BBS9: variants seen among roughly 807,000 people sequenced by gnomAD.
BBS9 encodes the protein protein PTHB1.
In BBS9, 89 loss-of-function variants were observed where a neutral mutation model predicts 117.7. The ratio of observed to expected loss-of-function variants is 0.76; its 90% CI spans 0.64 to 0.90. The LOEUF is 0.90. Among genes scored for constraint, BBS9 ranks in the 40% least tolerant of loss-of-function variants. BBS9 has a pLI of 0.00. For synonymous variants in BBS9, 379 were observed against 370.9 expected, an observed-to-expected ratio of 1.02 and a Z score of -0.25; for missense variants, 982 against 1,042.2, an observed-to-expected ratio of 0.94 and a Z score of 0.80.
At chr7:33,177,013 A>T (rs757128441) in intron 4 of BBS9, among the ~76,000 whole-genome samples, 4 of 152,218 alleles carry the variant, frequency 2.6e-5, no homozygotes, top group Non-Finnish European at 4.4e-5. Context: ...CAATTAAATT[A>T]GAATATAATT....
In BBS9 at chr7:33,177,327, C is replaced by T. The variant is rs57972085; in HGVS notation, c.329-151C>T. ...TAACTGTACTGGCTTTGTGTGTCATCAGTATGCTAATTTTTCACAATACAT... is the reference window on the plus strand; with the variant it reads ...TAACTGTACTGGCTTTGTGTGTCATTAGTATGCTAATTTTTCACAATACAT... On this transcript the variant is annotated intron_variant, in intron 4 of 22. Coordinates refer to ENST00000242067, the MANE Select transcript of BBS9 (RefSeq NM_198428.3). 2,408 of 638,854 alleles carry T rather than the reference C, an allele frequency of 3.8e-3. 45 individuals are homozygous for T. In the African/African-American group the frequency reaches 0.039, roughly 10 times the overall value. The allele number at this position is 638,854 out of a possible 1,614,324, so 39.6% of individuals were successfully genotyped here. A position where few individuals can be genotyped will look rare whatever the true frequency, so the allele number is the denominator to read the frequency against.
At chr7:33,633,892 C>T (rs755347816) in intron 21 of BBS9, among the ~76,000 whole-genome samples, 19 of 152,184 alleles carry the variant, frequency 1.2e-4, no homozygotes, top group Non-Finnish European at 2.4e-4. Context: ...GCCCTCTTTG[C>T]TCTCTGCCAA....
chr7:33,474,700 C>T (rs1395263704), intron 19 of BBS9, among the ~76,000 whole-genome samples: 1 of 152,168 alleles, frequency 6.6e-6, no homozygotes, highest in Non-Finnish European at 1.5e-5. Context: ...GTAATCGCAG[C>T]ACTTTGGGAG....
intron 1 of BBS9, among the ~76,000 whole-genome samples, chr7:33,138,874 C>A (rs1392783958): frequency 1.3e-5 from 2 of 151,074 alleles, no homozygotes. Context: ...CAGACATGAA[C>A]CACTGTGCCT....
intron 5 of BBS9, among the ~76,000 whole-genome samples, chr7:33,255,209 A>C (rs1419041758): frequency 6.6e-6 from 1 of 152,116 alleles, no homozygotes; most frequent in East Asian, 1.9e-4. Context: ...GTCCTATCCA[A>C]AAAATCATTG....
intron 21 of BBS9, among the ~76,000 whole-genome samples, chr7:33,598,280 G>C (rs1863211677): frequency 6.6e-6 from 1 of 150,500 alleles, no homozygotes; most frequent in Non-Finnish European, 1.5e-5. Flanking sequence ...GTAATCATAA[G>C]AAGGACATCA....
chr7:33,613,408 A>G (rs1864975226), intron 21 of BBS9, among the ~76,000 whole-genome samples: 1 of 151,944 alleles, frequency 6.6e-6, no homozygotes, highest in South Asian at 2.1e-4. Flanking sequence ...GTCACTTCAA[A>G]GTTTGTATAT....
intron 5 of BBS9, among the ~76,000 whole-genome samples, chr7:33,223,885 C>G (rs1323726347): frequency 1.3e-5 from 2 of 152,114 alleles, no homozygotes; most frequent in Non-Finnish European, 2.9e-5. Context: ...GTAATAATTG[C>G]TAATTTGATT....
intron 19 of BBS9, among the ~76,000 whole-genome samples, chr7:33,480,995 G>A (rs1157226582): frequency 6.6e-6 from 1 of 152,064 alleles, no homozygotes; most frequent in Non-Finnish European, 1.5e-5. Flanking sequence ...GTTTCCTGAG[G>A]CCTCCCCAGC....
chr7:33,369,349 TC>T (rs1426529700), intron 17 of BBS9, among the ~76,000 whole-genome samples: 2 of 152,190 alleles, frequency 1.3e-5, no homozygotes, highest in Non-Finnish European at 2.9e-5. Context: ...TATATTTATA[TC>T]CTAATGTATT....
chr7:33,374,914 A>C (rs972611491), intron 17 of BBS9, among the ~76,000 whole-genome samples: 1 of 151,888 alleles, frequency 6.6e-6, no homozygotes, highest in Admixed American at 6.6e-5. Context: ...AAAAAAAAAA[A>C]AAAAAAAAAC....
chr7:33,334,411 C>T (rs1351609913), intron 9 of BBS9, among the ~76,000 whole-genome samples: 1 of 152,138 alleles, frequency 6.6e-6, no homozygotes, highest in Non-Finnish European at 1.5e-5. Flanking sequence ...CAGAGGTCTG[C>T]GCTTTAGCAC....
intron 5 of BBS9, among the ~76,000 whole-genome samples, chr7:33,240,118 A>G (rs757989515): frequency 1.3e-5 from 2 of 152,148 alleles, no homozygotes; most frequent in South Asian, 2.1e-4. Flanking sequence ...CTAAATTCCC[A>G]TAGTCATTAA....
intron 9 of BBS9, among the ~76,000 whole-genome samples, chr7:33,281,550 C>CT (rs1403130408): frequency 3.3e-5 from 5 of 150,796 alleles, no homozygotes; most frequent in East Asian, 3.9e-4. Context: ...ATTAAAAATT[C>CT]TTTTTTTTAT....
chr7:33,148,229 A>G (rs763298326), intron 2 of BBS9, among the ~76,000 whole-genome samples: 2 of 152,174 alleles, frequency 1.3e-5, no homozygotes, highest in African/African-American at 2.4e-5. Context: ...TATGGTGTTT[A>G]TATTTGGAGC....
chr7:33,586,275 CA>C (rs1334474441), intron 21 of BBS9, among the ~76,000 whole-genome samples: 2 of 151,894 alleles, frequency 1.3e-5, no homozygotes, highest in Non-Finnish European at 2.9e-5. Flanking sequence ...AAGCAGCCAA[CA>C]AACCTGAAAA....
At chr7:33,576,506 C>T (rs1406271249) in intron 21 of BBS9, among the ~76,000 whole-genome samples, 5 of 152,016 alleles carry the variant, frequency 3.3e-5, no homozygotes, top group African/African-American at 4.8e-5. Context: ...GATTCAATGT[C>T]GTCCCCATCA....
chr7:33,299,407 A>G (rs1805921712), intron 9 of BBS9, among the ~76,000 whole-genome samples: 1 of 151,870 alleles, frequency 6.6e-6, no homozygotes, highest in Non-Finnish European at 1.5e-5. Flanking sequence ...ACTTGACCCA[A>G]TTATAATTTT....
chr7:33,188,112 G>GTGTGTGTGTGT (rs373410318), intron 5 of BBS9, among the ~76,000 whole-genome samples: 12 of 120,326 alleles, frequency 1.0e-4, no homozygotes, highest in Admixed American at 1.7e-4. Context: ...GTGTGTGTGT[G>GTGTGTGTGTGT]GCGGGTGGGG....
Sources: gnomAD v4.1 joint callset for allele counts (sites outside exome capture counted in the v4.1 genomes callset) on GRCh38, gnomAD v4.1.1 for gene constraint, MANE v1.5 for transcripts, NCBI Gene and HGNC (gene_info 2026-07-23, HGNC 2026-07-21) for gene names.